Variants in SLIT2 observed in about 807,000 individuals in gnomAD.
SLIT2 encodes the protein slit guidance ligand 2.
In SLIT2, 41 loss-of-function variants were observed where a neutral mutation model predicts 185.7. That is an observed-to-expected ratio of 0.22 (90% CI 0.17 to 0.29). SLIT2 has a LOEUF of 0.29. Among genes scored for constraint, SLIT2 ranks in the 10% least tolerant of loss-of-function variants. The pLI is 1.00. For missense variants in SLIT2, 1,571 were observed against 1,909.0 expected, an observed-to-expected ratio of 0.82 and a Z score of 3.30; for synonymous variants, 693 against 680.2, an observed-to-expected ratio of 1.02 and a Z score of -0.29.
intron 11 of SLIT2, among the ~76,000 whole-genome samples, chr4:20,514,569 C>T (rs573100144): frequency 7.2e-5 from 11 of 152,050 alleles, no homozygotes; most frequent in Non-Finnish European, 1.0e-4. Flanking sequence ...CTCTTGAACC[C>T]GGGAGACGAA....
At chr4:20,377,638 G>A (rs1010774208) in intron 4 of SLIT2, among the ~76,000 whole-genome samples, 1 of 152,052 alleles carries the variant, frequency 6.6e-6, no homozygotes, top group Non-Finnish European at 1.5e-5. Context: ...GAGAAACTTT[G>A]TAACAATGGA....
At chr4:20,420,612 A>T (rs899574396) in intron 4 of SLIT2, among the ~76,000 whole-genome samples, 2 of 152,226 alleles carry the variant, frequency 1.3e-5, no homozygotes, top group East Asian at 1.9e-4. Context: ...AGAGAATAAG[A>T]CATTTACAGA....
chr4:20,418,623 G>A (rs1454040451), intron 4 of SLIT2, among the ~76,000 whole-genome samples: 1 of 152,204 alleles, frequency 6.6e-6, no homozygotes, highest in Non-Finnish European at 1.5e-5. Flanking sequence ...GATAGCATAT[G>A]TTGTGCAAAC....
intron 36 of SLIT2, among the ~76,000 whole-genome samples, chr4:20,618,157 A>G (rs772097131): frequency 1.4e-4 from 21 of 152,124 alleles, no homozygotes; most frequent in Admixed American, 5.2e-4. Context: ...AAACAGGCTG[A>G]CTTCTTAGTT....
At chr4:20,407,403 G>A (rs1726858912) in intron 4 of SLIT2, among the ~76,000 whole-genome samples, 1 of 152,170 alleles carries the variant, frequency 6.6e-6, no homozygotes, top group South Asian at 2.1e-4. Flanking sequence ...TTATTTTTCA[G>A]TTCATGAAGA....
intron 26 of SLIT2, among the ~76,000 whole-genome samples, chr4:20,556,301 A>G (rs932447705): frequency 5.3e-5 from 8 of 151,986 alleles, no homozygotes; most frequent in Non-Finnish European, 1.2e-4. Context: ...AAAACCTTCT[A>G]CTCAGCACAT....
At chr4:20,597,499 C>T (rs1728080551) in intron 32 of SLIT2, among the ~76,000 whole-genome samples, 2 of 152,298 alleles carry the variant, frequency 1.3e-5, no homozygotes, top group South Asian at 4.1e-4. Context: ...ATGGAAGAAG[C>T]TGCACTAGAT....
At chr4:20,343,506 CTT>C (rs377259805) in intron 4 of SLIT2, among the ~76,000 whole-genome samples, 2 of 149,804 alleles carry the variant, frequency 1.3e-5, no homozygotes, top group East Asian at 3.9e-4. Flanking sequence ...CTTCATAAAA[CTT>C]TTTTTTTTCT....
intron 11 of SLIT2, among the ~76,000 whole-genome samples, chr4:20,519,172 T>C (rs1319722534): frequency 2.6e-5 from 4 of 152,216 alleles, no homozygotes; most frequent in African/African-American, 9.6e-5. Flanking sequence ...GTTCTTTATT[T>C]TTCTGTTTTC....
chr4:20,449,279 G>T (rs879335914), intron 4 of SLIT2, among the ~76,000 whole-genome samples: 5 of 152,126 alleles, frequency 3.3e-5, no homozygotes, highest in Middle Eastern at 3.2e-3. Flanking sequence ...TACTTATGGG[G>T]ACACTTTGCC....
chr4:20,570,932 T>C (rs1405374515), intron 29 of SLIT2, among the ~76,000 whole-genome samples: 1 of 151,728 alleles, frequency 6.6e-6, no homozygotes, highest in Non-Finnish European at 1.5e-5. Flanking sequence ...TTCTTTTGAG[T>C]CTTTGTCTCA....
chr4:20,553,771 ATG>A, intron 25 of SLIT2, 32 bp from the exon 26 acceptor site: 1 of 1,496,368 alleles, frequency 6.7e-7, no homozygotes, highest in Non-Finnish European at 8.9e-7. Flanking sequence ...GTGTGTGTGT[ATG>A]TGTGTGTGCT....
chr4:20,402,931 C>G lies in SLIT2; in HGVS notation c.396-64821C>G, dbSNP rs183937460. Among the ~76,000 whole-genome samples the G allele has an allele frequency of 6.1e-3, 918 of 151,668 alleles. 5 individuals are homozygous for G. Among genetic ancestry groups the G allele is most frequent in the Admixed American group, 9.4e-3 (143 of 15,160 alleles). ...ACTGCTATTAAAAAAATAAGTAATA[C>G]TATTTATATAAAATTCTCAAATTTC... On this transcript the variant is annotated intron_variant, in intron 4 of 36. Transcript: ENST00000504154.
Position 20,484,300 on chromosome 4 carries a change from G to T in SLIT2, c.540-1900G>T, listed in dbSNP as rs1716989675. Among the ~76,000 whole-genome samples the T allele has an allele frequency of 6.6e-6, 1 of 152,054 alleles. No individual in the cohort carries two copies. The highest frequency in any genetic ancestry group is 2.4e-5 in the African/African-American group (1 of 41,426). On this transcript the variant is annotated intron_variant, in intron 6 of 36. Transcript: ENST00000504154. The surrounding 1 kb of genome is among the most constrained non-coding windows in gnomAD (Gnocchi z 4.3). The stretch of plus-strand genomic sequence containing the variant: ...ATTTGAAAGCAAATCCCATTGAGAA[G>T]TTTAACCTTTGCATTCAAACATCAG...
In SLIT2 at chr4:20,412,539, AAACT is replaced by A. The variant is rs573975204; in HGVS notation, c.396-55209_396-55206del. On this transcript the variant is annotated intron_variant, in intron 4 of 36. Coordinates refer to ENST00000504154, the MANE Select transcript of SLIT2 (RefSeq NM_004787.4). ...ATAAAATCTTTCATATTTATACTGT[AAACT>A]AACAGAGTAGATAGGCAAATACTAT... is the stretch of plus-strand genomic sequence containing the variant. Among the ~76,000 whole-genome samples, 180 of 152,266 alleles carry A rather than the reference AAACT, an allele frequency of 1.2e-3. 1 individual carries two copies. Among genetic ancestry groups the A allele is most frequent in the African/African-American group, 3.7e-3 (155 of 41,580 alleles).
chr4:20,518,116 T>C (rs982839637), intron 11 of SLIT2, among the ~76,000 whole-genome samples: 8 of 142,960 alleles, frequency 5.6e-5, no homozygotes, highest in East Asian at 2.0e-4. Flanking sequence ...TATATACATA[T>C]ACATATATAT....
intron 4 of SLIT2, among the ~76,000 whole-genome samples, chr4:20,312,805 A>G (rs1159524308): frequency 6.6e-6 from 1 of 151,548 alleles, no homozygotes; most frequent in East Asian, 1.9e-4. Flanking sequence ...AAAGAAAAGA[A>G]AACATATTTT....
At chr4:20,341,121 C>G (rs1477517733) in intron 4 of SLIT2, among the ~76,000 whole-genome samples, 3 of 152,112 alleles carry the variant, frequency 2.0e-5, no homozygotes, top group Non-Finnish European at 2.9e-5. Flanking sequence ...CACTAGTACC[C>G]CAAATGCTGA....
chr4:20,302,981 C>A (rs1239882434), intron 4 of SLIT2, among the ~76,000 whole-genome samples: 1 of 150,926 alleles, frequency 6.6e-6, no homozygotes, highest in Non-Finnish European at 1.5e-5. Flanking sequence ...AATCTTATCC[C>A]ATTATCTACA....
Sources: allele counts gnomAD v4.1 joint callset (sites outside exome capture counted in the v4.1 genomes callset), GRCh38; gene constraint gnomAD v4.1.1; non-coding constraint Gnocchi (gnomAD v3.1); transcripts MANE v1.5; gene names NCBI Gene and HGNC (gene_info 2026-07-23, HGNC 2026-07-21).